JAK3: variants seen among roughly 807,000 people sequenced by gnomAD.
JAK3 encodes the protein tyrosine-protein kinase JAK3.
A neutral mutation model predicts 120.8 loss-of-function variants in JAK3; 88 were observed. The ratio of observed to expected loss-of-function variants is 0.73; its 90% CI spans 0.61 to 0.87. The LOEUF (loss-of-function observed/expected upper bound fraction) is 0.87. Ranked by LOEUF, JAK3 falls within the 40% of genes least tolerant of loss-of-function variation. The pLI, the probability that JAK3 is intolerant of heterozygous loss-of-function variation, is 0.00. For missense variants in JAK3, 1,254 were observed against 1,501.4 expected, an observed-to-expected ratio of 0.84 and a Z score of 2.72; for synonymous variants, 592 against 628.6, an observed-to-expected ratio of 0.94 and a Z score of 0.87.
chr19:17,833,858 TATAAA>T (rs968690954), intron 17 of JAK3, among the ~76,000 whole-genome samples: 93 of 151,830 alleles, frequency 6.1e-4, no homozygotes, highest in African/African-American at 2.1e-3. Context: ...GTCTCAAAAA[TATAAA>T]ATAAAATAAA....
chr19:17,830,291 G>A (rs951241753), intron 22 of JAK3, 73 bp from the exon 23 acceptor site: 5 of 1,214,598 alleles, frequency 4.1e-6, no homozygotes, highest in African/African-American at 3.0e-5. Context: ...CACCCGTGGT[G>A]GGGGTAGGGG....
In JAK3 at chr19:17,831,457, C is replaced by A. The variant is rs2094214391; in HGVS notation, c.2806-57G>T. On this transcript the variant is annotated intron_variant, in intron 20 of 23. Transcript: ENST00000458235. The surrounding 1 kb of genome is among the most constrained non-coding windows in gnomAD (Gnocchi z 5.1). ...GATCCCAGGATAATCCGGCAGGTAC[C>A]CCAAGCGTGACCTGGCACCCCAACC... is the stretch of plus-strand genomic sequence containing the variant. 6.3e-7 allele frequency: 1 copy of A among 1,593,852 alleles called. No homozygotes were observed. The highest frequency in any genetic ancestry group is 1.7e-5 in the Admixed American group (1 of 59,886).
At chr19:17,844,796 CAAAAA>C (rs1227224590) in intron 1 of JAK3, among the ~76,000 whole-genome samples, 22 of 92,810 alleles carry the variant, frequency 2.4e-4, no homozygotes, top group African/African-American at 8.3e-4. Context: ...GACTCTGTCT[CAAAAA>C]AAAAAAAAAA....
chr19:17,831,233 A>G lies in JAK3; in HGVS notation c.2973T>C (p.Ile991=), dbSNP rs200330929. ...YVVREPGQSP[I]FWYAPESLSD... Reference sequence around the variant, plus strand: ...CCTAGGCGCGGGTTCCCCACCAGAAAATGGGGCTCTGGCCTGGCTCGCGGA... The same window carrying G: ...CCTAGGCGCGGGTTCCCCACCAGAAGATGGGGCTCTGGCCTGGCTCGCGGA... The change falls in exon 21 of 24, where the codon ATT becomes ATC. Residue 991 remains isoleucine, a synonymous_variant. Coordinates refer to ENST00000458235, the MANE Select transcript of JAK3 (RefSeq NM_000215.4). This position sits in a 1 kb window ranked among gnomAD's most constrained non-coding sequence, Gnocchi z 5.1. 14 of 1,612,212 alleles carry G rather than the reference A, an allele frequency of 8.7e-6. No individual in the cohort carries two copies. The African/African-American group carries it at 1.3e-4, about 15-fold the overall frequency.
rs1314113059 is a variant in JAK3, at chr19:17,831,884, C to T, written c.2681-86G>A. 4 of 1,558,778 alleles carry T rather than the reference C, an allele frequency of 2.6e-6. No individual in the cohort carries two copies. The Admixed American group carries it at 5.1e-5, about 20-fold the overall frequency. On this transcript the variant is annotated intron_variant, in intron 19 of 23. Coordinates refer to ENST00000458235, the MANE Select transcript of JAK3 (RefSeq NM_000215.4). This position sits in a 1 kb window ranked among gnomAD's most constrained non-coding sequence, Gnocchi z 5.1. ...CCCTTTCACAGTGGGACCTTGTGTC[C>T]CTCTCGACCTCAGTTTTGCTGACTG... is the stretch of plus-strand genomic sequence containing the variant.
In JAK3 at chr19:17,839,279, C is replaced by T. The variant is rs1209083123; in HGVS notation, c.1441+198G>A. ...GAGACTAGGTGCAGATGACATGGCT[C>T]ACATCTAGCTGTGCCTAGATCAAGC... On this transcript the variant is annotated intron_variant, in intron 10 of 23. Coordinates refer to ENST00000458235, the MANE Select transcript of JAK3 (RefSeq NM_000215.4). 6 of 691,108 alleles carry T rather than the reference C, an allele frequency of 8.7e-6. No individual in the cohort carries two copies. The Middle Eastern group carries it at 9.2e-4, about 106-fold the overall frequency. The allele number at this position is 691,108 out of a possible 1,614,324, so 42.8% of individuals were successfully genotyped here. A position where few individuals can be genotyped will look rare whatever the true frequency, so the allele number is the denominator to read the frequency against.
intron 22 of JAK3, 24 bp downstream of exon 22, chr19:17,830,478 TG>T (rs2147674420): frequency 1.3e-6 from 2 of 1,579,866 alleles, no homozygotes; most frequent in Non-Finnish European, 1.7e-6. Flanking sequence ...AGAAGAAGGC[TG>T]GGGGCTCTGG....
chr19:17,839,235 A>T (rs1356877452), intron 10 of JAK3: 1 of 647,866 alleles, frequency 1.5e-6, no homozygotes, highest in Non-Finnish European at 2.8e-6. Context: ...CACCCAGAGG[A>T]AGAGCTGAGA....
At chr19:17,836,169 C>G in intron 13 of JAK3, 118 bp from the exon 14 acceptor site, 1 of 1,172,030 alleles carries the variant, frequency 8.5e-7, no homozygotes, top group Non-Finnish European at 1.3e-6. Flanking sequence ...CTGTTCCCTC[C>G]CCTGCTGCCT....
intron 13 of JAK3, among the ~76,000 whole-genome samples, chr19:17,836,423 C>T (rs1179029760): frequency 6.6e-6 from 1 of 152,176 alleles, no homozygotes; most frequent in Non-Finnish European, 1.5e-5. Flanking sequence ...GCTGGAACTA[C>T]AGGCGCATGC....
rs773788053 is a variant in JAK3, at chr19:17,832,978, C to T, written c.2351-49G>A. ...GTAAGCAGCGCCTCTCATCCTGGGCCCCACTCCTGAGTTGACTTGCTGTGC... is the reference window on the plus strand; with the variant it reads ...GTAAGCAGCGCCTCTCATCCTGGGCTCCACTCCTGAGTTGACTTGCTGTGC... On this transcript the variant is annotated intron_variant, in intron 17 of 23. Transcript: ENST00000458235. The surrounding 1 kb of genome is among the most constrained non-coding windows in gnomAD (Gnocchi z 4.7). 1.3e-6 allele frequency: 2 copies of T among 1,582,110 alleles called. No homozygotes were observed. The highest frequency in any genetic ancestry group is 1.1e-5 in the South Asian group (1 of 88,060).
chr19:17,831,718 G>A lies in JAK3; in HGVS notation c.2761C>T (p.Leu921Phe), dbSNP rs886054278. 42 of 1,611,512 alleles carry A rather than the reference G, an allele frequency of 2.6e-5. No homozygotes were observed. The highest frequency in any genetic ancestry group is 1.6e-4 in the Middle Eastern group (1 of 6,080). ...TAGAGAAGGAGGCGGCTGGCATCGA[G>A]GCGCGCGCGGTGCCGCTGCAGGAAG... ...RDFLQRHRARLDASRLLLYSS... is the reference protein window; with the variant it reads ...RDFLQRHRARFDASRLLLYSS... The change falls in exon 20 of 24, where the codon CTC becomes TTC. Residue 921 changes from leucine to phenylalanine, a missense_variant. Physicochemically the swap from Leu to Phe is conservative, Grantham distance 22. This residue lies in a region of JAK3 where 630 missense variants were observed against 819.8 expected (regional missense o/e 0.77). Coordinates refer to ENST00000458235, the MANE Select transcript of JAK3 (RefSeq NM_000215.4). This position sits in a 1 kb window ranked among gnomAD's most constrained non-coding sequence, Gnocchi z 5.1.
At position 17,831,922 on chromosome 19, in the gene JAK3, C is replaced by G. The variant is rs2094215344; in HGVS notation, c.2681-124G>C. The G allele has an allele frequency of 2.6e-6, 3 of 1,161,206 alleles. No individual in the cohort carries two copies. Among genetic ancestry groups the G allele is most frequent in the Non-Finnish European group, 3.8e-6 (3 of 790,820 alleles). 71.9% of individuals were successfully genotyped at this position (1,161,206 alleles called of 1,614,324 possible). ...GTTTTGCTGACTGTAATATGGGAAC[C>G]GCAACAATGACACATTGCTAATATC... On this transcript the variant is annotated intron_variant, in intron 19 of 23. Transcript: ENST00000458235. This position sits in a 1 kb window ranked among gnomAD's most constrained non-coding sequence, Gnocchi z 5.1.
intron 14 of JAK3, 128 bp downstream of exon 14, chr19:17,835,796 T>C (rs1359472322): frequency 8.4e-7 from 1 of 1,185,070 alleles, no homozygotes; most frequent in African/African-American, 1.5e-5. Flanking sequence ...AACCTGAACC[T>C]AAAATGCCCT....
intron 11 of JAK3, 25 bp from the exon 12 acceptor site, chr19:17,838,088 G>A (rs2147687843): frequency 6.2e-7 from 1 of 1,614,076 alleles, no homozygotes; most frequent in Non-Finnish European, 8.5e-7. Flanking sequence ...GACAGCAGAA[G>A]AGGCCAGTGA....
intron 1 of JAK3, among the ~76,000 whole-genome samples, chr19:17,847,007 C>G (rs2094253728): frequency 6.6e-6 from 1 of 152,164 alleles, no homozygotes; most frequent in Admixed American, 6.5e-5. Flanking sequence ...AAGCGATTCT[C>G]CTGCCTCAGC....
At position 17,830,008 on chromosome 19, in the gene JAK3, CCTTTCTT is replaced by C. The variant is rs559852269; in HGVS notation, c.3207+93_3207+99del. 2,072 of 869,396 alleles carry C rather than the reference CCTTTCTT, an allele frequency of 2.4e-3. 30 individuals are homozygous for C. The African/African-American group carries it at 0.029, about 12-fold the overall frequency. The allele number at this position is 869,396 out of a possible 1,614,324, so 53.9% of individuals were successfully genotyped here. On this transcript the variant is annotated intron_variant, in intron 23 of 23. Transcript: ENST00000458235. ...GATCCTCATCGGCCTCACACTCTAG[CCTTTCTT>C]CTCAGTACAGAGACTCAGGCGCCAG...
At chr19:17,847,388 A>C (rs999569322) in intron 1 of JAK3, among the ~76,000 whole-genome samples, 1 of 149,966 alleles carries the variant, frequency 6.7e-6, no homozygotes, top group Non-Finnish European at 1.5e-5. Context: ...ATACTGTAAC[A>C]AAAAAAAATG....
Position 17,832,507 on chromosome 19 carries a change from G to T in JAK3, c.2680+12C>A, listed in dbSNP as rs1568401827. 2 of 1,614,062 alleles carry T rather than the reference G, an allele frequency of 1.2e-6. No homozygotes were observed. Among genetic ancestry groups the T allele is most frequent in the Non-Finnish European group, 1.7e-6 (2 of 1,179,948 alleles). ...CATACGTCTTGGTTCACTCATCCGGGAGCTGGCTCACCCGGGCCATAGCTG... is the reference window on the plus strand; with the variant it reads ...CATACGTCTTGGTTCACTCATCCGGTAGCTGGCTCACCCGGGCCATAGCTG... On this transcript the variant is annotated intron_variant, in intron 19 of 23. Transcript: ENST00000458235. This position sits in a 1 kb window ranked among gnomAD's most constrained non-coding sequence, Gnocchi z 4.7.
Sources: allele counts gnomAD v4.1 joint callset (sites outside exome capture counted in the v4.1 genomes callset), GRCh38; gene constraint gnomAD v4.1.1; regional missense constraint gnomAD v4.1.1; non-coding constraint Gnocchi (gnomAD v3.1); transcripts MANE v1.5; gene names NCBI Gene and HGNC (gene_info 2026-07-23, HGNC 2026-07-21).